The following SCD5 variants were observed in gnomAD, a reference collection of about 807,000 sequenced individuals.
SCD5 encodes the protein acyl-CoA-desaturase 4.
In SCD5, 20 loss-of-function variants were observed where a neutral mutation model predicts 30.4. The observed-to-expected ratio is 0.66, with a 90% CI of 0.46 to 0.96. The LOEUF (loss-of-function observed/expected upper bound fraction) is 0.96, where lower values mean the gene tolerates loss of function less well. SCD5 is among the 40% of genes least tolerant of loss of function. SCD5 has a pLI of 0.00. For missense variants in SCD5, 381 were observed against 443.3 expected, an observed-to-expected ratio of 0.86 and a Z score of 1.26; for synonymous variants, 173 against 176.4, an observed-to-expected ratio of 0.98 and a Z score of 0.16.
chr4:82,754,525 C>T (rs1721190235), intron 1 of SCD5, among the ~76,000 whole-genome samples: 1 of 152,114 alleles, frequency 6.6e-6, no homozygotes, highest in Admixed American at 6.5e-5. Flanking sequence ...AGGACCCACC[C>T]TCCCCTCACC....
intron 1 of SCD5, among the ~76,000 whole-genome samples, chr4:82,723,871 C>T (rs545715287): frequency 4.6e-5 from 7 of 152,304 alleles, no homozygotes; most frequent in Admixed American, 2.0e-4. Flanking sequence ...AATGTGAAAG[C>T]CTGACTAGCT....
At chr4:82,648,208 T>A (rs1420247122) in intron 3 of SCD5, among the ~76,000 whole-genome samples, 2 of 152,238 alleles carry the variant, frequency 1.3e-5, no homozygotes, top group Admixed American at 6.5e-5. Flanking sequence ...TGGGAGATGT[T>A]TGGGGGAAGA....
intron 1 of SCD5, among the ~76,000 whole-genome samples, chr4:82,781,074 T>C (rs747333089): frequency 4.6e-5 from 7 of 152,020 alleles, no homozygotes; most frequent in Non-Finnish European, 1.0e-4. Context: ...AGCCTCAAAA[T>C]AAACAAGCAC....
chr4:82,784,341 C>A (rs952258145), intron 1 of SCD5, among the ~76,000 whole-genome samples: 7 of 152,168 alleles, frequency 4.6e-5, no homozygotes, highest in African/African-American at 1.7e-4. Flanking sequence ...CAATATACAG[C>A]CTCATGGGAA....
intron 3 of SCD5, among the ~76,000 whole-genome samples, chr4:82,653,855 G>C (rs1727813181): frequency 6.6e-6 from 1 of 151,808 alleles, no homozygotes; most frequent in Non-Finnish European, 1.5e-5. Context: ...ACTGATAAGA[G>C]TAGGTTTATA....
intron 1 of SCD5, among the ~76,000 whole-genome samples, chr4:82,762,042 T>G (rs996250835): frequency 7.9e-5 from 12 of 151,284 alleles, no homozygotes; most frequent in Non-Finnish European, 1.6e-4. Flanking sequence ...GGAGTAGTGG[T>G]AGGTGCCTGT....
chr4:82,724,646 T>C (rs908999265), intron 1 of SCD5, among the ~76,000 whole-genome samples: 5 of 152,220 alleles, frequency 3.3e-5, no homozygotes, highest in African/African-American at 1.2e-4. Flanking sequence ...AGCTCTTCCC[T>C]AATGCTTTCT....
intron 1 of SCD5, among the ~76,000 whole-genome samples, chr4:82,734,095 A>G (rs1720697597): frequency 6.6e-6 from 1 of 152,224 alleles, no homozygotes; most frequent in Admixed American, 6.5e-5. Flanking sequence ...TGTTAGAGGT[A>G]GATAACACAG....
intron 1 of SCD5, among the ~76,000 whole-genome samples, chr4:82,761,704 A>G (rs1007472408): frequency 2.0e-5 from 3 of 151,130 alleles, no homozygotes; most frequent in African/African-American, 4.9e-5. Flanking sequence ...AGCATTAGGT[A>G]TATCTCCCGA....
At position 82,629,713 on chromosome 4, in the gene SCD5, T is replaced by C. The variant is rs1408280830; in HGVS notation, c.*1614A>G. 6.6e-6 allele frequency: 1 copy of C among 152,200 alleles called. No individual in the cohort carries two copies. Among genetic ancestry groups the C allele is most frequent in the Non-Finnish European group, 1.5e-5 (1 of 68,040 alleles). 9.4% of individuals were successfully genotyped at this position (152,200 alleles called of 1,614,324 possible). A position where few individuals can be genotyped will look rare whatever the true frequency, so the allele number is the denominator to read the frequency against. On this transcript the variant is annotated 3_prime_UTR_variant, in exon 5 of 5. Transcript: ENST00000319540. ...TTAAATCCTACATCTTTTCTGAAAA[T>C]ATCTATCTTCAAAGTGCTCCAATAC...
intron 2 of SCD5, among the ~76,000 whole-genome samples, chr4:82,690,187 C>T (rs1404038446): frequency 2.6e-5 from 4 of 152,192 alleles, no homozygotes; most frequent in Non-Finnish European, 5.9e-5. Flanking sequence ...AGGAAATACA[C>T]ACTGAGGTAT....
chr4:82,739,632 G>C (rs1043061039), intron 1 of SCD5, among the ~76,000 whole-genome samples: 1 of 152,226 alleles, frequency 6.6e-6, no homozygotes, highest in Non-Finnish European at 1.5e-5. Flanking sequence ...CTATTGCCAT[G>C]TGTGTGCTGA....
chr4:82,680,777 C>G lies in SCD5; in HGVS notation c.499G>C (p.Val167Leu). The G allele has an allele frequency of 6.2e-7, 1 of 1,614,036 alleles. No individual in the cohort carries two copies. Among genetic ancestry groups the G allele is most frequent in the Non-Finnish European group, 8.5e-7 (1 of 1,180,016 alleles). Reference sequence around the variant, plus strand: ...TCAAGCTTTCTCCCCTTCTCAATAACATCTCGATGCTTGCGAACAAACAGC... The same window carrying G: ...TCAAGCTTTCTCCCCTTCTCAATAAGATCTCGATGCTTGCGAACAAACAGC... ...GWLFVRKHRD[V>L]IEKGRKLDVT... is the part of the protein sequence containing the mutation. Residue 167 changes from valine to leucine, a missense_variant, in exon 3 of 5, where the codon GTT (valine) becomes CTT (leucine). Transcript: ENST00000319540.
intron 1 of SCD5, among the ~76,000 whole-genome samples, chr4:82,758,944 A>T (rs2148845257): frequency 6.6e-6 from 1 of 152,248 alleles, no homozygotes; most frequent in East Asian, 1.9e-4. Flanking sequence ...CAACAAGCAC[A>T]TCCCCTTACA....
At chr4:82,767,231 CCT>C (rs149299807) in intron 1 of SCD5, among the ~76,000 whole-genome samples, 1 of 150,924 alleles carries the variant, frequency 6.6e-6, no homozygotes, top group Non-Finnish European at 1.5e-5. Context: ...CAGCATTTTC[CCT>C]CTGTCTCTCT....
chr4:82,712,277 T>TATATATACAC (rs1720118200), intron 1 of SCD5, among the ~76,000 whole-genome samples: 3 of 48,962 alleles, frequency 6.1e-5, no homozygotes, highest in African/African-American at 3.4e-4. Context: ...TATATATATA[T>TATATATACAC]ATATATATAT....
chr4:82,636,484 C>T, intron 4 of SCD5, 107 bp downstream of exon 4: 1 of 747,450 alleles, frequency 1.3e-6, no homozygotes, highest in Non-Finnish European at 2.2e-6. Flanking sequence ...GTTCACTGAA[C>T]TCCATTCCAC....
At chr4:82,690,916 A>G (rs189010025) in intron 2 of SCD5, among the ~76,000 whole-genome samples, 14 of 152,382 alleles carry the variant, frequency 9.2e-5, no homozygotes, top group Admixed American at 9.1e-4. Flanking sequence ...TGAAGTCAAC[A>G]TAAGCGAAAT....
chr4:82,734,622 A>G (rs1354366881), intron 1 of SCD5, among the ~76,000 whole-genome samples: 1 of 152,222 alleles, frequency 6.6e-6, no homozygotes, highest in Non-Finnish European at 1.5e-5. Context: ...GTAATGAGAG[A>G]TAAATACAAA....
Sources: gnomAD v4.1 joint callset for allele counts (sites outside exome capture counted in the v4.1 genomes callset) on GRCh38, gnomAD v4.1.1 for gene constraint, MANE v1.5 for transcripts, NCBI Gene and HGNC (gene_info 2026-07-23, HGNC 2026-07-21) for gene names.